The following NRG1 variants were observed in gnomAD, a reference collection of about 807,000 sequenced individuals.
The protein encoded by NRG1 is pro-neuregulin-1, membrane-bound isoform.
A neutral mutation model predicts 63.8 loss-of-function variants in NRG1; 18 were observed. The ratio of observed to expected loss-of-function variants is 0.28; its 90% CI spans 0.19 to 0.42. The LOEUF is 0.42. NRG1 is among the 10% of genes least tolerant of loss of function. NRG1 has a pLI of 1.00. For missense variants in NRG1, 762 were observed against 814.7 expected, an observed-to-expected ratio of 0.94 and a Z score of 0.79; for synonymous variants, 302 against 301.3, an observed-to-expected ratio of 1.00 and a Z score of -0.02.
chr8:31,858,140 A>C (rs1209113965), intron 1 of NRG1, among the ~76,000 whole-genome samples: 1 of 152,096 alleles, frequency 6.6e-6, no homozygotes, highest in Non-Finnish European at 1.5e-5. Flanking sequence ...TGTACTAAAA[A>C]TATAAAAAAT....
At chr8:32,521,504 C>T (rs1830342330) in intron 1 of NRG1, among the ~76,000 whole-genome samples, 1 of 151,892 alleles carries the variant, frequency 6.6e-6, no homozygotes, top group Admixed American at 6.6e-5. Flanking sequence ...CCATGAAAAG[C>T]AATGAATACA....
At chr8:32,653,505 C>G (rs1443878369) in intron 5 of NRG1, among the ~76,000 whole-genome samples, 1 of 152,156 alleles carries the variant, frequency 6.6e-6, no homozygotes, top group Non-Finnish European at 1.5e-5. Flanking sequence ...GGCTGAGTAG[C>G]CAGGGGTGAT....
At chr8:32,068,821 C>T (rs924434588) in intron 1 of NRG1, among the ~76,000 whole-genome samples, 3 of 152,124 alleles carry the variant, frequency 2.0e-5, no homozygotes, top group East Asian at 1.9e-4. Context: ...CCGTTAGCTA[C>T]GTAACTAAGT....
intron 1 of NRG1, among the ~76,000 whole-genome samples, chr8:31,789,648 G>T (rs1218612975): frequency 6.6e-6 from 1 of 152,128 alleles, no homozygotes; most frequent in Admixed American, 6.5e-5. Flanking sequence ...TCAGTGTGAT[G>T]GTTGAGGATG....
chr8:32,720,888 AAT>A (rs1418039861), intron 5 of NRG1, among the ~76,000 whole-genome samples: 1 of 152,218 alleles, frequency 6.6e-6, no homozygotes, highest in African/African-American at 2.4e-5. Flanking sequence ...AACACTGTCT[AAT>A]GACACCAAAT....
At chr8:32,368,513 T>C (rs1563369608) in intron 1 of NRG1, among the ~76,000 whole-genome samples, 1 of 152,184 alleles carries the variant, frequency 6.6e-6, no homozygotes, top group East Asian at 1.9e-4. Flanking sequence ...GATCATGCCA[T>C]TGCACTCTAA....
intron 1 of NRG1, among the ~76,000 whole-genome samples, chr8:31,950,235 AC>A (rs1295634683): frequency 6.6e-6 from 1 of 152,232 alleles, no homozygotes; most frequent in Non-Finnish European, 1.5e-5. Context: ...AGTGGAAAAT[AC>A]AGACAAAGAA....
At chr8:31,869,195 G>A (rs1829265819) in intron 1 of NRG1, among the ~76,000 whole-genome samples, 1 of 152,112 alleles carries the variant, frequency 6.6e-6, no homozygotes, top group Admixed American at 6.6e-5. Context: ...GTCTGCATTT[G>A]GTACTCTAAT....
chr8:32,760,417 A>G lies in NRG1; in HGVS notation c.1259+11A>G. ...TCCTCATAGTGAAAGGTAAAACCGA[A>G]GGGCAAAGCTACTGCAGAGGAGAAA... is the stretch of plus-strand genomic sequence containing the variant. On this transcript the variant is annotated intron_variant, in intron 11 of 11. Coordinates refer to ENST00000356819, the Ensembl canonical transcript of NRG1. 1 of 1,612,870 alleles carries G rather than the reference A, an allele frequency of 6.2e-7. No homozygotes were observed. The highest frequency in any genetic ancestry group is 1.1e-5 in the South Asian group (1 of 91,026).
At chr8:31,973,560 T>C (rs1490591035) in intron 1 of NRG1, among the ~76,000 whole-genome samples, 1 of 152,156 alleles carries the variant, frequency 6.6e-6, no homozygotes, top group African/African-American at 2.4e-5. Flanking sequence ...ATGCAGCCAG[T>C]TGATGCCATG....
At chr8:32,390,617 A>AAAAAAG (rs1554525667) in intron 1 of NRG1, among the ~76,000 whole-genome samples, 6 of 150,472 alleles carry the variant, frequency 4.0e-5, no homozygotes, top group African/African-American at 7.3e-5. Flanking sequence ...AAAAAAAAAA[A>AAAAAAG]AAGAAGAAGA....
intron 1 of NRG1, among the ~76,000 whole-genome samples, chr8:31,705,550 G>A (rs1241272870): frequency 3.3e-5 from 5 of 152,188 alleles, no homozygotes; most frequent in African/African-American, 1.2e-4. Flanking sequence ...AAAGTAAATT[G>A]TAGATAATTA....
At chr8:31,780,911 A>G (rs1819622535) in intron 1 of NRG1, among the ~76,000 whole-genome samples, 3 of 152,304 alleles carry the variant, frequency 2.0e-5, no homozygotes, top group South Asian at 4.1e-4. Flanking sequence ...TATGAGCTCC[A>G]TTGATCCTAT....
intron 1 of NRG1, among the ~76,000 whole-genome samples, chr8:32,468,836 T>C (rs138719521): frequency 7.9e-5 from 12 of 152,268 alleles, no homozygotes; most frequent in African/African-American, 2.4e-4. Flanking sequence ...GTTTTGGAAG[T>C]GTCTCTTCTT....
intron 1 of NRG1, among the ~76,000 whole-genome samples, chr8:31,869,912 A>G (rs1463455763): frequency 1.3e-5 from 2 of 152,168 alleles, no homozygotes; most frequent in Non-Finnish European, 2.9e-5. Context: ...TCCTTATAGA[A>G]CCTCCAAATT....
intron 1 of NRG1, among the ~76,000 whole-genome samples, chr8:32,489,518 C>T (rs1381173652): frequency 2.0e-5 from 3 of 152,136 alleles, no homozygotes; most frequent in African/African-American, 4.8e-5. Flanking sequence ...GGGGCACTGT[C>T]CTGCTCTGCT....
intron 1 of NRG1, among the ~76,000 whole-genome samples, chr8:31,962,707 C>A (rs780471810): frequency 3.9e-5 from 6 of 152,158 alleles, no homozygotes; most frequent in Non-Finnish European, 8.8e-5. Flanking sequence ...ATATCTAATT[C>A]ATTTAAGTCC....
intron 1 of NRG1, among the ~76,000 whole-genome samples, chr8:32,590,095 A>G (rs1386942690): frequency 6.6e-6 from 1 of 152,192 alleles, no homozygotes; most frequent in Non-Finnish European, 1.5e-5. Context: ...ATCTTTTAAG[A>G]TATTTGAAAA....
chr8:32,180,432 T>A (rs2132098138), intron 1 of NRG1, among the ~76,000 whole-genome samples: 1 of 152,282 alleles, frequency 6.6e-6, no homozygotes, highest in South Asian at 2.1e-4. Context: ...ACAAAGAATG[T>A]CAATTAAATT....
Sources: gnomAD v4.1 joint callset for allele counts (sites outside exome capture counted in the v4.1 genomes callset) on GRCh38, gnomAD v4.1.1 for gene constraint, MANE v1.5 for transcripts, NCBI Gene and HGNC (gene_info 2026-07-23, HGNC 2026-07-21) for gene names.